ATP8B4: variants seen among roughly 807,000 people sequenced by gnomAD.
The protein encoded by ATP8B4 is ATPase phospholipid transporting 8B4 (putative).
A neutral mutation model predicts 145.6 loss-of-function variants in ATP8B4; 133 were observed. That is an observed-to-expected ratio of 0.91 (90% CI 0.79 to 1.05). The LOEUF is 1.05. Ranked by LOEUF, ATP8B4 falls within the 50% of genes least tolerant of loss-of-function variation. The pLI is 0.00. For synonymous variants in ATP8B4, 507 were observed against 492.9 expected (o/e 1.03, Z -0.38); for missense variants, 1,458 against 1,425.2 (o/e 1.02, Z -0.37).
intron 2 of ATP8B4, among the ~76,000 whole-genome samples, chr15:50,081,210 A>T (rs1371234225): frequency 6.6e-6 from 1 of 152,102 alleles, no homozygotes; most frequent in Non-Finnish European, 1.5e-5. Context: ...CTATACAAGC[A>T]CATTTTAACT....
At chr15:50,171,677 C>G (rs1001914242) in intron 1 of ATP8B4, among the ~76,000 whole-genome samples, 2 of 151,898 alleles carry the variant, frequency 1.3e-5, no homozygotes, top group African/African-American at 2.4e-5. Flanking sequence ...CAAATCCAAA[C>G]CCCAGCAGAA....
At chr15:49,961,845 AT>A (rs1192023373) in intron 14 of ATP8B4, 131 bp downstream of exon 14, 1 of 715,932 alleles carries the variant, frequency 1.4e-6, no homozygotes, top group South Asian at 2.1e-5. Context: ...ATATTAATCT[AT>A]TTTTTAATGC....
intron 2 of ATP8B4, 112 bp downstream of exon 2, chr15:50,106,827 G>T: frequency 9.6e-7 from 1 of 1,042,118 alleles, no homozygotes; most frequent in Non-Finnish European, 1.4e-6. Flanking sequence ...AGTTCACTGA[G>T]CTGAACACCT....
At chr15:49,898,815 C>T (rs867557181) in intron 21 of ATP8B4, among the ~76,000 whole-genome samples, 8 of 152,112 alleles carry the variant, frequency 5.3e-5, no homozygotes, top group African/African-American at 7.2e-5. Flanking sequence ...AAGGGGGGCA[C>T]GCAAGCTGCG....
chr15:50,131,337 A>G (rs1179948983), intron 1 of ATP8B4, among the ~76,000 whole-genome samples: 1 of 152,260 alleles, frequency 6.6e-6, no homozygotes, highest in Non-Finnish European at 1.5e-5. Flanking sequence ...TCATATTACA[A>G]TAATTCTATC....
At chr15:49,977,081 C>T (rs1250052593) in intron 12 of ATP8B4, among the ~76,000 whole-genome samples, 2 of 152,086 alleles carry the variant, frequency 1.3e-5, no homozygotes, top group Non-Finnish European at 2.9e-5. Context: ...ATAGAAATAT[C>T]CTACCAAAGT....
At chr15:49,976,405 T>G (rs1183104781) in intron 12 of ATP8B4, among the ~76,000 whole-genome samples, 1 of 117,344 alleles carries the variant, frequency 8.5e-6, no homozygotes, top group Non-Finnish European at 1.6e-5. Flanking sequence ...TGTATGAATT[T>G]TAACTCTTTA....
At chr15:49,981,426 G>T (rs2046145771) in intron 10 of ATP8B4, 132 bp from the exon 11 acceptor site, 2 of 664,088 alleles carry the variant, frequency 3.0e-6, no homozygotes, top group Admixed American at 6.1e-5. Context: ...TTAAGAGCAA[G>T]GGCCATTAAG....
At chr15:50,147,380 C>T (rs1318447695) in intron 1 of ATP8B4, among the ~76,000 whole-genome samples, 2 of 148,030 alleles carry the variant, frequency 1.4e-5, no homozygotes, top group Non-Finnish European at 3.0e-5. Flanking sequence ...CACACCACTG[C>T]ACTCCATCCT....
chr15:50,145,436 G>C (rs2044263922), intron 1 of ATP8B4, among the ~76,000 whole-genome samples: 1 of 152,054 alleles, frequency 6.6e-6, no homozygotes, highest in Non-Finnish European at 1.5e-5. Context: ...AGTTAAATTG[G>C]TATTACCTGA....
chr15:50,019,025 G>A (rs563036092), intron 6 of ATP8B4: 2 of 909,716 alleles, frequency 2.2e-6, no homozygotes, highest in Non-Finnish European at 3.1e-6. Context: ...ATCCATGAAT[G>A]ACAAATCTTG....
intron 14 of ATP8B4, among the ~76,000 whole-genome samples, chr15:49,953,741 G>A (rs577989802): frequency 7.9e-5 from 12 of 152,358 alleles, no homozygotes; most frequent in African/African-American, 2.9e-4. Flanking sequence ...CTCCCTCGGG[G>A]AGTTCAGCAG....
chr15:49,963,761 G>A (rs974781101), intron 13 of ATP8B4, among the ~76,000 whole-genome samples: 6 of 152,060 alleles, frequency 3.9e-5, no homozygotes, highest in Admixed American at 2.6e-4. Flanking sequence ...CTGTTGATGT[G>A]GGAAGGGAGA....
chr15:49,962,818 A>C (rs1266000411), intron 13 of ATP8B4, among the ~76,000 whole-genome samples: 3 of 152,162 alleles, frequency 2.0e-5, no homozygotes, highest in African/African-American at 7.2e-5. Flanking sequence ...GTAGCCCATG[A>C]TTATAGATGT....
At chr15:50,107,045 A>G (rs764158852) in intron 1 of ATP8B4, 37 bp from the exon 2 acceptor site, 4 of 1,363,500 alleles carry the variant, frequency 2.9e-6, no homozygotes, top group Non-Finnish European at 4.0e-6. Flanking sequence ...TATCTGAAAA[A>G]TGCACAATAA....
At chr15:49,984,429 A>C (rs1025005582) in intron 10 of ATP8B4, among the ~76,000 whole-genome samples, 12 of 152,184 alleles carry the variant, frequency 7.9e-5, no homozygotes, top group African/African-American at 2.9e-4. Context: ...ATTATAGGGG[A>C]AACAAAAGGT....
At chr15:50,075,801 A>T (rs1165105859) in intron 2 of ATP8B4, among the ~76,000 whole-genome samples, 1 of 152,174 alleles carries the variant, frequency 6.6e-6, no homozygotes, top group African/African-American at 2.4e-5. Context: ...TAAAACATCA[A>T]ATCCCAAAGT....
In ATP8B4 at chr15:49,901,227, T is replaced by C. The variant is rs1257551815; in HGVS notation, c.2154A>G (p.Gln718=). 26 of 1,613,192 alleles carry C rather than the reference T, an allele frequency of 1.6e-5. No homozygotes were observed. The highest frequency in any genetic ancestry group is 3.3e-5 in the Admixed American group (2 of 59,944). Residue 718 remains glutamine, a synonymous_variant, in exon 21 of 28, where the codon CAA becomes CAG. Coordinates refer to ENST00000284509, the MANE Select transcript of ATP8B4 (RefSeq NM_024837.4). Reference sequence around the variant, plus strand: ...AATTTCTGTTTTGTCCAAACAAATTTTGTTTTGCTTTCCTTAAAGGAGAGG... The same window carrying C: ...AATTTCTGTTTTGTCCAAACAAATTCTGTTTTGCTTTCCTTAAAGGAGAGG... The part of the protein sequence containing the change: ...EVREELRKAK[Q]NLFGQNRNFS...
At chr15:50,149,959 G>T (rs1396325780) in intron 1 of ATP8B4, among the ~76,000 whole-genome samples, 1 of 152,138 alleles carries the variant, frequency 6.6e-6, no homozygotes, top group Non-Finnish European at 1.5e-5. Context: ...AAATTAGCCA[G>T]GTGTGGTGGA....
Sources: gnomAD v4.1 joint callset for allele counts (sites outside exome capture counted in the v4.1 genomes callset) on GRCh38, gnomAD v4.1.1 for gene constraint, MANE v1.5 for transcripts, NCBI Gene and HGNC (gene_info 2026-07-23, HGNC 2026-07-21) for gene names.